The following MACROD2 variants were observed in gnomAD, a reference collection of about 807,000 sequenced individuals.
MACROD2 encodes ADP-ribose glycohydrolase MACROD2.
Under a neutral mutation model 70.4 loss-of-function variants are expected in MACROD2, and 36 were observed. That is an observed-to-expected ratio of 0.51 (90% CI 0.39 to 0.68). MACROD2 has a LOEUF of 0.68. Among genes scored for constraint, MACROD2 ranks in the 30% least tolerant of loss-of-function variants. MACROD2 has a pLI of 0.00. For missense variants in MACROD2, 496 were observed against 538.4 expected (o/e 0.92, Z 0.78); for synonymous variants, 172 against 178.8 (o/e 0.96, Z 0.30).
chr20:15,083,202 A>AT (rs2123140008), intron 5 of MACROD2, among the ~76,000 whole-genome samples: 1 of 152,328 alleles, frequency 6.6e-6, no homozygotes, highest in South Asian at 2.1e-4. Context: ...CCTTCTGAGA[A>AT]TAATGACTGC....
intron 5 of MACROD2, among the ~76,000 whole-genome samples, chr20:14,961,108 TAGAG>T (rs1245431955): frequency 6.6e-6 from 1 of 152,164 alleles, no homozygotes; most frequent in Non-Finnish European, 1.5e-5. Context: ...ACTCATTATA[TAGAG>T]AGAGAAATCT....
intron 5 of MACROD2, among the ~76,000 whole-genome samples, chr20:14,883,278 T>A (rs2073631768): frequency 6.6e-6 from 1 of 152,186 alleles, no homozygotes; most frequent in African/African-American, 2.4e-5. Flanking sequence ...ATATCTAACC[T>A]TTCTTAAGCT....
At chr20:15,325,717 A>G (rs2077921606) in intron 6 of MACROD2, among the ~76,000 whole-genome samples, 1 of 152,304 alleles carries the variant, frequency 6.6e-6, no homozygotes, top group South Asian at 2.1e-4. Context: ...GTCTTCCATT[A>G]ATCAGAGCTA....
At chr20:14,642,243 G>A (rs769964339) in intron 4 of MACROD2, among the ~76,000 whole-genome samples, 1 of 152,152 alleles carries the variant, frequency 6.6e-6, no homozygotes, top group Non-Finnish European at 1.5e-5. Flanking sequence ...TAGAATAGAA[G>A]AGAGTTAGGG....
chr20:15,036,860 A>AT (rs983903975), intron 5 of MACROD2, among the ~76,000 whole-genome samples: 55 of 152,042 alleles, frequency 3.6e-4, no homozygotes, highest in African/African-American at 1.2e-3. Flanking sequence ...TTTTATAAAG[A>AT]TTTAGTTACA....
intron 10 of MACROD2, among the ~76,000 whole-genome samples, chr20:15,899,869 GC>G (rs1202164455): frequency 6.6e-6 from 1 of 152,082 alleles, no homozygotes; most frequent in Non-Finnish European, 1.5e-5. Flanking sequence ...AAACTAGAAA[GC>G]ACTATGCCAG....
intron 5 of MACROD2, among the ~76,000 whole-genome samples, chr20:14,819,297 A>G (rs1457496696): frequency 1.3e-5 from 2 of 150,276 alleles, no homozygotes; most frequent in East Asian, 2.0e-4. Flanking sequence ...CAAACAAAAA[A>G]CCCCCAAAAA....
At chr20:14,962,464 G>A (rs2074592275) in intron 5 of MACROD2, among the ~76,000 whole-genome samples, 1 of 144,872 alleles carries the variant, frequency 6.9e-6, no homozygotes, top group Admixed American at 6.8e-5. Context: ...TATATATATA[G>A]TATTTATATA....
intron 8 of MACROD2, among the ~76,000 whole-genome samples, chr20:15,714,626 A>G (rs865831986): frequency 1.3e-5 from 2 of 152,206 alleles, no homozygotes; most frequent in African/African-American, 2.4e-5. Context: ...CTCTGAATCT[A>G]ATGACATTGT....
At chr20:15,428,038 T>C (rs903645153) in intron 6 of MACROD2, among the ~76,000 whole-genome samples, 2 of 152,164 alleles carry the variant, frequency 1.3e-5, no homozygotes, top group African/African-American at 4.8e-5. Context: ...GTGCTGAGGT[T>C]GGGAAGCCTT....
chr20:15,434,558 T>A (rs912360015), intron 7 of MACROD2, among the ~76,000 whole-genome samples: 6 of 152,136 alleles, frequency 3.9e-5, no homozygotes, highest in African/African-American at 1.4e-4. Context: ...GGAACACATT[T>A]ACACTGCTGG....
intron 5 of MACROD2, among the ~76,000 whole-genome samples, chr20:15,185,858 T>C (rs2076531373): frequency 1.3e-5 from 2 of 152,152 alleles, no homozygotes; most frequent in Admixed American, 6.5e-5. Flanking sequence ...TATCATCAAG[T>C]TTCAAAGTGG....
chr20:14,504,801 A>G (rs1337566003), intron 4 of MACROD2, among the ~76,000 whole-genome samples: 1 of 152,186 alleles, frequency 6.6e-6, no homozygotes, highest in Non-Finnish European at 1.5e-5. Flanking sequence ...TGTTGTATTT[A>G]TAAATAACAG....
At chr20:15,811,360 G>C (rs1014061572) in intron 8 of MACROD2, among the ~76,000 whole-genome samples, 1 of 152,102 alleles carries the variant, frequency 6.6e-6, no homozygotes, top group Non-Finnish European at 1.5e-5. Flanking sequence ...CTGGCCATCA[G>C]AGAAATGCAA....
At chr20:14,241,995 C>A (rs1323319008) in intron 3 of MACROD2, among the ~76,000 whole-genome samples, 3 of 151,962 alleles carry the variant, frequency 2.0e-5, no homozygotes, top group Non-Finnish European at 4.4e-5. Flanking sequence ...ATCTTAGTAA[C>A]CTCAGTCATT....
chr20:14,328,139 A>G (rs2082769039), intron 3 of MACROD2, among the ~76,000 whole-genome samples: 1 of 152,110 alleles, frequency 6.6e-6, no homozygotes, highest in African/African-American at 2.4e-5. Context: ...TGCTTTGATT[A>G]TTAATGTCAT....
chr20:15,729,962 G>A (rs1406136274), intron 8 of MACROD2, among the ~76,000 whole-genome samples: 1 of 150,398 alleles, frequency 6.6e-6, no homozygotes, highest in African/African-American at 2.4e-5. Flanking sequence ...CTGAGTAGCT[G>A]GATTACAGGC....
chr20:15,457,183 C>T (rs775405706), intron 7 of MACROD2, among the ~76,000 whole-genome samples: 17 of 150,448 alleles, frequency 1.1e-4, no homozygotes, highest in Admixed American at 2.0e-4. Flanking sequence ...AATTCTAGTG[C>T]TCAAATTGTT....
intron 3 of MACROD2, among the ~76,000 whole-genome samples, chr20:14,086,706 A>G (rs1027904013): frequency 6.6e-6 from 1 of 152,214 alleles, no homozygotes; most frequent in African/African-American, 2.4e-5. Flanking sequence ...GTTTGTGGGC[A>G]TTGACCAACC....
Sources: allele counts gnomAD v4.1 joint callset (sites outside exome capture counted in the v4.1 genomes callset), GRCh38; gene constraint gnomAD v4.1.1; transcripts MANE v1.5; gene names NCBI Gene and HGNC (gene_info 2026-07-23, HGNC 2026-07-21).